The following SAMMSON variants were observed in gnomAD, a reference collection of about 807,000 sequenced individuals.
The protein encoded by SAMMSON is survival associated mitochondrial melanoma specific oncogenic non-coding RNA.
At chr3:70,272,149 A>G (rs1701981585) in intron 6 of SAMMSON, 1 of 152,198 alleles carries the variant, frequency 6.6e-6, no homozygotes, top group Non-Finnish European at 1.5e-5. Flanking sequence ...TGTCCGAAGT[A>G]TATGTAATGT....
At chr3:70,373,062 C>G (rs912465947) in intron 9 of SAMMSON, among the ~76,000 whole-genome samples, 10 of 152,034 alleles carry the variant, frequency 6.6e-5, no homozygotes, top group Non-Finnish European at 1.3e-4. Flanking sequence ...ATGTATTACC[C>G]ACATTTTACT....
chr3:70,218,318 C>A (rs1701433599), intron 4 of SAMMSON, among the ~76,000 whole-genome samples: 1 of 152,078 alleles, frequency 6.6e-6, no homozygotes. Flanking sequence ...ATTGTGTATG[C>A]ATGTGCACAT....
chr3:70,106,118 C>T (rs915997670), intron 4 of SAMMSON, among the ~76,000 whole-genome samples: 5 of 152,250 alleles, frequency 3.3e-5, no homozygotes, highest in South Asian at 2.1e-4. Flanking sequence ...AACTTCTTGA[C>T]TTTAAATTCT....
At chr3:70,378,309 A>G (rs1703037744) in intron 9 of SAMMSON, among the ~76,000 whole-genome samples, 1 of 152,072 alleles carries the variant, frequency 6.6e-6, no homozygotes, top group South Asian at 2.1e-4. Flanking sequence ...GAGGTGACCC[A>G]TAACAATGTC....
intron 7 of SAMMSON, among the ~76,000 whole-genome samples, chr3:70,308,545 G>C (rs1197895352): frequency 3.3e-5 from 5 of 152,116 alleles, no homozygotes; most frequent in Non-Finnish European, 5.9e-5. Flanking sequence ...CCACTGATGT[G>C]AACAGGCCCA....
intron 3 of SAMMSON, chr3:70,014,455 G>T (rs1292561204): frequency 6.6e-6 from 1 of 152,204 alleles, no homozygotes; most frequent in Non-Finnish European, 1.5e-5. Context: ...GATTCCTCAA[G>T]ACATACGTTT....
intron 4 of SAMMSON, among the ~76,000 whole-genome samples, chr3:70,148,280 A>T (rs1467029698): frequency 6.6e-6 from 1 of 152,114 alleles, no homozygotes; most frequent in Non-Finnish European, 1.5e-5. Flanking sequence ...CCTAGTAGGT[A>T]TTTACCTTAG....
chr3:70,233,660 T>G (rs988618866), intron 4 of SAMMSON, among the ~76,000 whole-genome samples: 3 of 152,162 alleles, frequency 2.0e-5, no homozygotes, highest in Non-Finnish European at 4.4e-5. Context: ...ATCCCTCTAC[T>G]TCCTTCAGTA....
intron 4 of SAMMSON, among the ~76,000 whole-genome samples, chr3:70,215,404 C>T (rs771764053): frequency 6.6e-6 from 1 of 152,128 alleles, no homozygotes; most frequent in Non-Finnish European, 1.5e-5. Context: ...TTTGTCCCTT[C>T]TGACTTACCC....
chr3:70,145,903 A>C (rs549053724), intron 4 of SAMMSON, among the ~76,000 whole-genome samples: 1 of 152,068 alleles, frequency 6.6e-6, no homozygotes, highest in Non-Finnish European at 1.5e-5. Flanking sequence ...AAAAATATCA[A>C]GTGAAACTGA....
chr3:70,041,105 A>G (rs1479613641), intron 3 of SAMMSON, among the ~76,000 whole-genome samples: 4 of 152,104 alleles, frequency 2.6e-5, no homozygotes, highest in Non-Finnish European at 4.4e-5. Flanking sequence ...ATTTATTTGC[A>G]TGGGGCTTCT....
chr3:70,347,516 C>A (rs1448026283), intron 7 of SAMMSON, among the ~76,000 whole-genome samples: 1 of 152,108 alleles, frequency 6.6e-6, no homozygotes. Flanking sequence ...ATGCTTTATG[C>A]TTCTCTGTAG....
At chr3:70,057,164 C>T (rs1442721117) in intron 3 of SAMMSON, among the ~76,000 whole-genome samples, 1 of 151,918 alleles carries the variant, frequency 6.6e-6, no homozygotes, top group Non-Finnish European at 1.5e-5. Context: ...ATGACCTTGC[C>T]CAATTTTAGT....
chr3:70,312,735 T>G (rs1247432946), intron 7 of SAMMSON: 2 of 135,676 alleles, frequency 1.5e-5, no homozygotes, highest in Non-Finnish European at 3.2e-5. Flanking sequence ...CGGCCGAGAG[T>G]TTTTTTTGTG....
chr3:70,412,289 A>G (rs959559569), intron 2 of SAMMSON, among the ~76,000 whole-genome samples: 1 of 152,196 alleles, frequency 6.6e-6, no homozygotes, highest in Non-Finnish European at 1.5e-5. Context: ...GTATAAGCAC[A>G]TGAGGCCAAC....
intron 4 of SAMMSON, among the ~76,000 whole-genome samples, chr3:70,186,077 C>T (rs375574481): frequency 1.3e-5 from 2 of 152,114 alleles, no homozygotes; most frequent in African/African-American, 4.8e-5. Flanking sequence ...CTATCTACAC[C>T]TCAACATCCC....
At chr3:70,256,210 G>A (rs1701814681) in intron 6 of SAMMSON, among the ~76,000 whole-genome samples, 1 of 152,200 alleles carries the variant, frequency 6.6e-6, no homozygotes, top group Non-Finnish European at 1.5e-5. Context: ...AACTTTAGTT[G>A]TAAAGTTTTT....
intron 7 of SAMMSON, among the ~76,000 whole-genome samples, chr3:70,344,223 C>A (rs965338363): frequency 2.0e-5 from 3 of 152,120 alleles, no homozygotes; most frequent in Non-Finnish European, 4.4e-5. Context: ...CTCCCTATCC[C>A]ATACCTGTAT....
At chr3:70,154,962 C>G (rs1462336130) in intron 4 of SAMMSON, among the ~76,000 whole-genome samples, 3 of 149,794 alleles carry the variant, frequency 2.0e-5, no homozygotes, top group Non-Finnish European at 4.4e-5. Flanking sequence ...TTTAGGACAG[C>G]AAAGGAAAAT....
Sources: gnomAD v4.1 joint callset for allele counts (sites outside exome capture counted in the v4.1 genomes callset) on GRCh38, gnomAD v4.1.1 for gene constraint, MANE v1.5 for transcripts, NCBI Gene and HGNC (gene_info 2026-07-23, HGNC 2026-07-21) for gene names.